The following LAD1 variants were observed in gnomAD, a reference collection of about 807,000 sequenced individuals.
The protein encoded by LAD1 is ladinin 1.
Under a neutral mutation model 54.2 loss-of-function variants are expected in LAD1, and 53 were observed. That is an observed-to-expected ratio of 0.98 (90% CI 0.78 to 1.23). LAD1 has a LOEUF of 1.23. LAD1 is among the 50% of genes most tolerant of loss of function. The pLI is 0.00. For missense variants in LAD1, 637 were observed against 653.3 expected (o/e 0.98, Z 0.27); for synonymous variants, 231 against 257.7 (o/e 0.90, Z 0.99).
At chr1:201,397,567 C>T (rs538555730) in intron 1 of LAD1, among the ~76,000 whole-genome samples, 1 of 151,452 alleles carries the variant, frequency 6.6e-6, no homozygotes, top group Non-Finnish European at 1.5e-5. Context: ...ACACACCCCC[C>T]CATGCATATC....
rs770339662 is a variant in LAD1 at position 201,385,712 on chromosome 1, T to C, written c.1120A>G (p.Ile374Val). ...CCCAGGGCTCTCACCCGAAAGGAGA[T>C]GGTCCTGGGGCTGGAGCGTTTGAGG... is the stretch of plus-strand genomic sequence containing the variant. ...SSLKRSSPRT[I>V]SFRMKPKKEN... The change falls in exon 4 of 10, where the codon ATC (isoleucine) becomes GTC (valine). Residue 374 changes from isoleucine to valine, a missense_variant. By Grantham distance (29) the Ile-to-Val change is conservative. Coordinates refer to ENST00000391967, the MANE Select transcript of LAD1 (RefSeq NM_005558.4). 5.2e-5 allele frequency: 84 copies of C among 1,613,484 alleles called. No individual in the cohort carries two copies. Among genetic ancestry groups the C allele is most frequent in the Non-Finnish European group, 6.0e-5 (71 of 1,179,554 alleles).
chr1:201,399,125 C>G (rs1662359199), intron 1 of LAD1, 144 bp downstream of exon 1: 1 of 772,480 alleles, frequency 1.3e-6, no homozygotes, highest in Non-Finnish European at 2.1e-6. Context: ...TGGCCCCAAT[C>G]CTGTCTCCCG....
At chr1:201,391,205 A>G (rs1290873660) in intron 1 of LAD1, 1 of 448,000 alleles carries the variant, frequency 2.2e-6, no homozygotes, top group East Asian at 7.0e-5. Flanking sequence ...TCTGGATGAA[A>G]ATCCAGACAA....
At position 201,385,650 on chromosome 1, in the gene LAD1, C is replaced by G. The variant is rs114735106; in HGVS notation, c.1131+51G>C. 5 of 1,319,202 alleles carry G rather than the reference C, an allele frequency of 3.8e-6. No individual in the cohort carries two copies. The African/African-American group carries it at 4.3e-5, about 11-fold the overall frequency. The allele number at this position is 1,319,202 out of a possible 1,614,324, so 81.7% of individuals were successfully genotyped here. On this transcript the variant is annotated intron_variant, in intron 4 of 9. Transcript: ENST00000391967. ...CCTATGTTGTAATGGATGCGGGCTT[C>G]CTCCACTTGCCCTCCAGTGGCTCGC...
intron 5 of LAD1, 76 bp from the exon 6 acceptor site, chr1:201,383,465 A>T: frequency 7.6e-7 from 1 of 1,317,280 alleles, no homozygotes; most frequent in Non-Finnish European, 1.1e-6. Flanking sequence ...GGGCCTGAGG[A>T]GCAGCCCCAT....
At chr1:201,388,086 G>A (rs566769351) in intron 2 of LAD1, among the ~76,000 whole-genome samples, 53 of 152,194 alleles carry the variant, frequency 3.5e-4, no homozygotes, top group African/African-American at 1.2e-3. Context: ...TAGCCCCAAG[G>A]TTCTTCTCCT....
intron 5 of LAD1, 67 bp from the exon 6 acceptor site, chr1:201,383,456 G>A: frequency 7.0e-7 from 1 of 1,419,600 alleles, no homozygotes; most frequent in South Asian, 1.1e-5. Flanking sequence ...CTGCCCCCAG[G>A]GCCTGAGGAG....
chr1:201,384,767 G>C (rs980806136), intron 5 of LAD1, 25 bp downstream of exon 5: 1 of 1,613,130 alleles, frequency 6.2e-7, no homozygotes, highest in Non-Finnish European at 8.5e-7. Flanking sequence ...CAAATAGAAA[G>C]AACCAGAGCC....
chr1:201,382,003 G>A (rs1423133660), intron 9 of LAD1, 110 bp from the exon 10 acceptor site: 11 of 1,188,828 alleles, frequency 9.3e-6, no homozygotes, highest in Non-Finnish European at 1.2e-5. Flanking sequence ...CACCCACAAG[G>A]AGTCAGAGCC....
intron 1 of LAD1, among the ~76,000 whole-genome samples, chr1:201,393,574 T>C (rs1662233064): frequency 6.6e-6 from 1 of 151,810 alleles, no homozygotes; most frequent in Non-Finnish European, 1.5e-5. Context: ...GGTGAAACCC[T>C]GTCTCTCCTA....
Position 201,399,200 on chromosome 1 carries a change from C to A in LAD1, c.38+69G>T. 6 of 1,278,572 alleles carry A rather than the reference C, an allele frequency of 4.7e-6. 1 individual carries two copies. Among genetic ancestry groups the A allele is most frequent in the South Asian group, 3.8e-5 (3 of 79,046 alleles). The allele number at this position is 1,278,572 out of a possible 1,614,324, so 79.2% of individuals were successfully genotyped here. Reference sequence around the variant, plus strand: ...GTCCCAGGCGGGGAGGAGGCCGGTGCCCCGAGGAGAGGAGACCCAAAGGCT... The same window carrying A: ...GTCCCAGGCGGGGAGGAGGCCGGTGACCCGAGGAGAGGAGACCCAAAGGCT... On this transcript the variant is annotated intron_variant, in intron 1 of 9. Coordinates refer to ENST00000391967, the MANE Select transcript of LAD1 (RefSeq NM_005558.4).
intron 5 of LAD1, among the ~76,000 whole-genome samples, chr1:201,383,798 T>A (rs1331976665): frequency 6.6e-6 from 1 of 152,170 alleles, no homozygotes; most frequent in Non-Finnish European, 1.5e-5. Context: ...CCATAGGCCT[T>A]GGCACAGCAT....
Position 201,386,880 on chromosome 1 carries a change from A to G in LAD1, c.481T>C (p.Leu161=). The G allele has an allele frequency of 6.2e-7, 1 of 1,607,970 alleles. No individual in the cohort carries two copies. Among genetic ancestry groups the G allele is most frequent in the Non-Finnish European group, 8.5e-7 (1 of 1,176,732 alleles). The change falls in exon 3 of 10, where the codon TTG becomes CTG. Residue 161 remains leucine, a synonymous_variant. Coordinates refer to ENST00000391967, the MANE Select transcript of LAD1 (RefSeq NM_005558.4). ...RGPWALEEES[L]VGREPEERKK... is the part of the protein sequence containing the mutation. ...CTCTCTTCTGGCTCCCTGCCCACCA[A>G]GCTCTCCTCCTCCAGGGCCCAGGGG...
intron 1 of LAD1, 113 bp from the exon 2 acceptor site, chr1:201,389,416 T>C: frequency 8.0e-7 from 1 of 1,250,320 alleles, no homozygotes; most frequent in East Asian, 2.4e-5. Flanking sequence ...CTGCACTGGC[T>C]ACTAGCAGCT....
rs1662088392 is a variant in LAD1 at position 201,386,457 on chromosome 1, G to A, written c.904C>T (p.Pro302Ser). 2 of 1,546,112 alleles carry A rather than the reference G, an allele frequency of 1.3e-6. No individual in the cohort carries two copies. Among genetic ancestry groups the A allele is most frequent in the African/African-American group, 1.4e-5 (1 of 72,182 alleles). ...CCTCTCTGCTCCTTGGTGGTGGCTG[G>A]GCTTCCCCCAGAGGCTGGCGGCTCC... is the stretch of plus-strand genomic sequence containing the variant. Reference protein sequence around the residue: ...AQEPPASGGSPATTKEQRGRA... With the variant: ...AQEPPASGGSSATTKEQRGRA... Residue 302 changes from proline (P) to serine (S), a missense_variant, in exon 3 of 10, where the codon CCA (proline) becomes TCA (serine). Coordinates refer to ENST00000391967, the MANE Select transcript of LAD1 (RefSeq NM_005558.4).
chr1:201,381,615 G>A lies in LAD1; in HGVS notation c.*273C>T, dbSNP rs1661960813. 4 of 560,928 alleles carry A rather than the reference G, an allele frequency of 7.1e-6. No homozygotes were observed. The highest frequency in any genetic ancestry group is 2.0e-5 in the South Asian group (1 of 50,462). 34.7% of individuals were successfully genotyped at this position (560,928 alleles called of 1,614,324 possible). On this transcript the variant is annotated 3_prime_UTR_variant, in exon 10 of 10. Coordinates refer to ENST00000391967, the MANE Select transcript of LAD1 (RefSeq NM_005558.4). ...GACATAGGCCCCATAGTGCTGATGT[G>A]CACTTGTGCTGTGACCTGGGCAGAG... is the stretch of plus-strand genomic sequence containing the variant.
At chr1:201,393,186 G>A (rs1455490513) in intron 1 of LAD1, among the ~76,000 whole-genome samples, 2 of 152,226 alleles carry the variant, frequency 1.3e-5, no homozygotes, top group Non-Finnish European at 2.9e-5. Flanking sequence ...AGAAACCAGC[G>A]AAAGGCAAAG....
chr1:201,382,638 G>A lies in LAD1; in HGVS notation c.1473+15C>T, dbSNP rs779425362. ...AAGGCTCCACAGTAAGAGACATCAG[G>A]GAGGGTGAGGATACCTGGGGGTCCT... On this transcript the variant is annotated intron_variant, in intron 8 of 9. Coordinates refer to ENST00000391967, the MANE Select transcript of LAD1 (RefSeq NM_005558.4). The A allele has an allele frequency of 1.9e-6, 3 of 1,579,444 alleles. No homozygotes were observed. The highest frequency in any genetic ancestry group is 2.3e-5 in the East Asian group (1 of 44,088).
intron 9 of LAD1, 45 bp downstream of exon 9, chr1:201,382,207 A>G (rs768973276): frequency 1.3e-6 from 2 of 1,496,694 alleles, no homozygotes; most frequent in East Asian, 2.3e-5. Flanking sequence ...CCCACAGTAC[A>G]CCGTGGCCCT....
Sources: gnomAD v4.1 joint callset for allele counts (sites outside exome capture counted in the v4.1 genomes callset) on GRCh38, gnomAD v4.1.1 for gene constraint, MANE v1.5 for transcripts, NCBI Gene and HGNC (gene_info 2026-07-23, HGNC 2026-07-21) for gene names.